The following MAMDC2 variants were observed in gnomAD, a reference collection of about 807,000 sequenced individuals.
The protein encoded by MAMDC2 is MAM domain-containing protein 2.
In MAMDC2, 57 loss-of-function variants were observed where a neutral mutation model predicts 89.8. The observed-to-expected ratio is 0.63, with a 90% CI of 0.51 to 0.79. The LOEUF is 0.79. Among genes scored for constraint, MAMDC2 ranks in the 30% least tolerant of loss-of-function variants. The probability of loss-of-function intolerance (pLI) is 0.00; values close to 1 mark genes in which losing one functional copy is unlikely to be tolerated. For synonymous variants in MAMDC2, 313 were observed against 293.4 expected, an observed-to-expected ratio of 1.07 and a Z score of -0.68; for missense variants, 800 against 820.6, an observed-to-expected ratio of 0.97 and a Z score of 0.31.
chr9:70,225,849 C>T lies in MAMDC2; in HGVS notation c.1996+15C>T, dbSNP rs749820273. 1.9e-6 allele frequency: 3 copies of T among 1,579,616 alleles called. No homozygotes were observed. The South Asian group carries it at 3.3e-5, about 18-fold the overall frequency. Reference sequence around the variant, plus strand: ...ACCCTGTGGAGGTAATATTTTTTCCCAATCATATAAGCTTGACTGAAAATG... The same window carrying T: ...ACCCTGTGGAGGTAATATTTTTTCCTAATCATATAAGCTTGACTGAAAATG... On this transcript the variant is annotated intron_variant, in intron 13 of 13. Coordinates refer to ENST00000377182, the MANE Select transcript of MAMDC2 (RefSeq NM_153267.5).
upstream of MAMDC2, chr9:70,043,825 C>T (rs1826662874): frequency 3.6e-6 from 1 of 278,466 alleles, no homozygotes. Context: ...GCTTTAAAAT[C>T]CTGAGCGAAG....
At chr9:70,178,333 G>A (rs2032559167) in intron 11 of MAMDC2, among the ~76,000 whole-genome samples, 2 of 152,056 alleles carry the variant, frequency 1.3e-5, no homozygotes, top group Non-Finnish European at 1.5e-5. Context: ...GAGGGTAAGG[G>A]AAAGAGCAAG....
chr9:70,206,826 G>A (rs1247539698), intron 11 of MAMDC2, among the ~76,000 whole-genome samples: 1 of 152,082 alleles, frequency 6.6e-6, no homozygotes, highest in Non-Finnish European at 1.5e-5. Flanking sequence ...TCCCCACCCT[G>A]TGTCCAAGTG....
chr9:70,207,202 C>A (rs1288454784), intron 11 of MAMDC2, among the ~76,000 whole-genome samples: 1 of 152,218 alleles, frequency 6.6e-6, no homozygotes, highest in Non-Finnish European at 1.5e-5. Flanking sequence ...AAGGAATCAC[C>A]ACACTGTCTT....
intron 5 of MAMDC2, among the ~76,000 whole-genome samples, chr9:70,119,713 G>A (rs1355233316): frequency 1.3e-5 from 2 of 152,186 alleles, no homozygotes; most frequent in Non-Finnish European, 2.9e-5. Context: ...AGAAAGGTTT[G>A]TGCTTTGTCT....
intron 2 of MAMDC2, among the ~76,000 whole-genome samples, chr9:70,051,924 T>C (rs59145580): frequency 0.012 from 1,822 of 151,956 alleles, 28 homozygotes; most frequent in African/African-American, 0.041. Context: ...GATAGATAGA[T>C]AGACAGACAG....
chr9:70,089,737 A>C (rs747683438), intron 2 of MAMDC2, among the ~76,000 whole-genome samples: 1 of 152,144 alleles, frequency 6.6e-6, no homozygotes, highest in Non-Finnish European at 1.5e-5. Context: ...AATCTTAGGA[A>C]CTATTGGTAC....
At chr9:70,145,248 T>C (rs1416472702) in intron 9 of MAMDC2, among the ~76,000 whole-genome samples, 2 of 152,234 alleles carry the variant, frequency 1.3e-5, no homozygotes, top group Non-Finnish European at 2.9e-5. Context: ...TTGAGCTATA[T>C]TGCTCAGCTC....
At chr9:70,152,935 G>C (rs1288377041) in intron 9 of MAMDC2, among the ~76,000 whole-genome samples, 1 of 152,124 alleles carries the variant, frequency 6.6e-6, no homozygotes, top group Non-Finnish European at 1.5e-5. Context: ...GCTGAGCAGA[G>C]AGAAAAAGAC....
At chr9:70,215,185 G>C (rs2033421323) in intron 11 of MAMDC2, among the ~76,000 whole-genome samples, 1 of 152,150 alleles carries the variant, frequency 6.6e-6, no homozygotes, top group Admixed American at 6.5e-5. Context: ...AGGAGAAAAA[G>C]CAGGAGAATA....
At chr9:70,158,769 T>C (rs991675499) in intron 9 of MAMDC2, among the ~76,000 whole-genome samples, 10 of 152,124 alleles carry the variant, frequency 6.6e-5, no homozygotes, top group African/African-American at 2.2e-4. Flanking sequence ...CTAGATGGTA[T>C]AGCCTACTAC....
chr9:70,070,395 G>T (rs1385303366), intron 2 of MAMDC2, among the ~76,000 whole-genome samples: 1 of 152,102 alleles, frequency 6.6e-6, no homozygotes, highest in Non-Finnish European at 1.5e-5. Context: ...TTTGGAGAGC[G>T]GAGTTTCCTT....
intron 12 of MAMDC2, among the ~76,000 whole-genome samples, chr9:70,224,607 G>C (rs2033616080): frequency 6.6e-6 from 1 of 152,162 alleles, no homozygotes; most frequent in Admixed American, 6.6e-5. Flanking sequence ...CTGCCTTTTT[G>C]TTCTATCTGC....
chr9:70,150,164 A>C (rs2118445516), intron 9 of MAMDC2, among the ~76,000 whole-genome samples: 1 of 152,264 alleles, frequency 6.6e-6, no homozygotes, highest in African/African-American at 2.4e-5. Context: ...TGACACCCAA[A>C]CCTACGCTAC....
At position 70,208,273 on chromosome 9, in the gene MAMDC2, G is replaced by A. The variant is rs534040055; in HGVS notation, c.1652-10064G>A. ...TTCTTCCTATCCATGAGCATGGAAT[G>A]TCCTTCCATTTCTTTGTGTCCTCTT... On this transcript the variant is annotated intron_variant, in intron 11 of 13. Transcript: ENST00000377182. Among the ~76,000 whole-genome samples the A allele has an allele frequency of 2.0e-5, 3 of 152,304 alleles. No homozygotes were observed. The South Asian group carries it at 6.2e-4, about 32-fold the overall frequency.
intron 2 of MAMDC2, 128 bp from the exon 3 acceptor site, chr9:70,108,083 A>T: frequency 1.1e-6 from 1 of 905,212 alleles, no homozygotes; most frequent in Non-Finnish European, 1.6e-6. Flanking sequence ...TGTTCAGGCA[A>T]CTTTCAGTGG....
intron 9 of MAMDC2, among the ~76,000 whole-genome samples, chr9:70,145,565 C>T (rs916090413): frequency 7.7e-5 from 8 of 103,804 alleles, no homozygotes; most frequent in East Asian, 3.0e-4. Flanking sequence ...CACACATGCA[C>T]GCATGTACAC....
intron 11 of MAMDC2, among the ~76,000 whole-genome samples, chr9:70,210,744 G>A (rs1049983589): frequency 6.6e-6 from 1 of 152,148 alleles, no homozygotes; most frequent in Non-Finnish European, 1.5e-5. Flanking sequence ...TTTACAATTT[G>A]GCATGTTTTT....
chr9:70,068,405 CT>C (rs1827317149), intron 2 of MAMDC2, among the ~76,000 whole-genome samples: 1 of 151,906 alleles, frequency 6.6e-6, no homozygotes, highest in Non-Finnish European at 1.5e-5. Flanking sequence ...AGGCAGGGAC[CT>C]TTTCTTCAAA....
Sources: allele counts gnomAD v4.1 joint callset (sites outside exome capture counted in the v4.1 genomes callset), GRCh38; gene constraint gnomAD v4.1.1; transcripts MANE v1.5; gene names NCBI Gene and HGNC (gene_info 2026-07-23, HGNC 2026-07-21).